The following MACROD2 variants were observed in gnomAD, a reference collection of about 807,000 sequenced individuals.
The protein encoded by MACROD2 is mono-ADP ribosylhydrolase 2.
Under a neutral mutation model 70.4 loss-of-function variants are expected in MACROD2, and 36 were observed. The ratio of observed to expected loss-of-function variants is 0.51; its 90% CI spans 0.39 to 0.68. The LOEUF is 0.68. Among genes scored for constraint, MACROD2 ranks in the 30% least tolerant of loss-of-function variants. The probability of loss-of-function intolerance (pLI) is 0.00; values close to 1 mark genes in which losing one functional copy is unlikely to be tolerated. For synonymous variants in MACROD2, 172 were observed against 178.8 expected, an observed-to-expected ratio of 0.96 and a Z score of 0.30; for missense variants, 496 against 538.4, an observed-to-expected ratio of 0.92 and a Z score of 0.78.
chr20:14,314,660 T>G (rs2082597521), intron 3 of MACROD2, among the ~76,000 whole-genome samples: 1 of 152,136 alleles, frequency 6.6e-6, no homozygotes, highest in Non-Finnish European at 1.5e-5. Context: ...CTTGGGAGGC[T>G]GAGGCAGGAG....
At chr20:14,726,360 T>C (rs1054519489) in intron 5 of MACROD2, among the ~76,000 whole-genome samples, 3 of 152,200 alleles carry the variant, frequency 2.0e-5, no homozygotes, top group Non-Finnish European at 2.9e-5. Context: ...AAGGTTACGC[T>C]TGATGCTTTT....
chr20:14,965,920 A>G lies in MACROD2; in HGVS notation c.419-264020A>G, dbSNP rs377662377. Among the ~76,000 whole-genome samples, 10 of 152,254 alleles carry G rather than the reference A, an allele frequency of 6.6e-5. No individual in the cohort carries two copies. In the East Asian group the frequency reaches 1.2e-3, roughly 18 times the overall value. ...ATTTAAACAAGTATAAATAACCAAA[A>G]TCTACAGAGCAAATTATGGTGCAGT... is the stretch of plus-strand genomic sequence containing the variant. On this transcript the variant is annotated intron_variant, in intron 5 of 17. Coordinates refer to ENST00000684519, the MANE Select transcript of MACROD2 (RefSeq NM_001351661.2).
At chr20:14,955,232 A>C (rs1055573994) in intron 5 of MACROD2, among the ~76,000 whole-genome samples, 3 of 137,352 alleles carry the variant, frequency 2.2e-5, no homozygotes, top group African/African-American at 8.0e-5. Context: ...ATAATATATA[A>C]TTTTTATTAT....
intron 2 of MACROD2, among the ~76,000 whole-genome samples, chr20:14,042,919 T>G (rs573676755): frequency 6.6e-5 from 6 of 90,714 alleles, no homozygotes; most frequent in South Asian, 7.9e-4. Flanking sequence ...AGGTGGTGGG[T>G]TTTTTTTTTT....
intron 8 of MACROD2, among the ~76,000 whole-genome samples, chr20:15,547,543 C>T (rs2146580121): frequency 6.6e-6 from 1 of 152,278 alleles, no homozygotes; most frequent in South Asian, 2.1e-4. Flanking sequence ...TGGAATAATA[C>T]CGCTCATATT....
At chr20:15,297,869 TG>T (rs1284891574) in intron 6 of MACROD2, among the ~76,000 whole-genome samples, 2 of 152,208 alleles carry the variant, frequency 1.3e-5, no homozygotes, top group Non-Finnish European at 2.9e-5. Flanking sequence ...CAGTGTGAAA[TG>T]TTTTTCAAAC....
chr20:14,527,763 T>C (rs968833949), intron 4 of MACROD2, among the ~76,000 whole-genome samples: 1 of 152,218 alleles, frequency 6.6e-6, no homozygotes, highest in Non-Finnish European at 1.5e-5. Flanking sequence ...CATGCCAGAA[T>C]GTCTAATGTT....
At chr20:15,756,633 A>G (rs1181920695) in intron 8 of MACROD2, among the ~76,000 whole-genome samples, 1 of 152,216 alleles carries the variant, frequency 6.6e-6, no homozygotes. Context: ...AGCTGGTAAC[A>G]TGCTCTGAAT....
intron 5 of MACROD2, among the ~76,000 whole-genome samples, chr20:15,131,105 G>A (rs533264375): frequency 5.9e-5 from 9 of 152,046 alleles, no homozygotes; most frequent in African/African-American, 2.2e-4. Flanking sequence ...AGGTAAGAAG[G>A]GAATCAAAAA....
At chr20:15,415,017 A>G (rs2046127474) in intron 6 of MACROD2, among the ~76,000 whole-genome samples, 1 of 152,172 alleles carries the variant, frequency 6.6e-6, no homozygotes, top group African/African-American at 2.4e-5. Context: ...AGTTTAGATG[A>G]TGCTTGGGTG....
intron 5 of MACROD2, among the ~76,000 whole-genome samples, chr20:15,011,321 G>T (rs1414052683): frequency 1.3e-5 from 2 of 152,120 alleles, no homozygotes; most frequent in African/African-American, 4.8e-5. Flanking sequence ...AGGAATCGGG[G>T]TGGGGTAAGA....
chr20:14,182,755 C>G (rs2081314803), intron 3 of MACROD2, among the ~76,000 whole-genome samples: 1 of 151,732 alleles, frequency 6.6e-6, no homozygotes. Context: ...CTTTTTTTCT[C>G]CCGGGTCACT....
At chr20:14,830,062 G>T (rs897934999) in intron 5 of MACROD2, among the ~76,000 whole-genome samples, 1 of 152,084 alleles carries the variant, frequency 6.6e-6, no homozygotes, top group African/African-American at 2.4e-5. Context: ...AAGAAAAAAT[G>T]ATTCATAACC....
chr20:14,750,448 C>G (rs1193290560), intron 5 of MACROD2, among the ~76,000 whole-genome samples: 1 of 151,958 alleles, frequency 6.6e-6, no homozygotes, highest in African/African-American at 2.4e-5. Flanking sequence ...CCAATTATTA[C>G]TATTTATTGT....
intron 5 of MACROD2, among the ~76,000 whole-genome samples, chr20:14,757,302 AATT>A (rs1299635296): frequency 3.3e-5 from 5 of 152,150 alleles, no homozygotes; most frequent in African/African-American, 1.2e-4. Context: ...TTAAAATCTT[AATT>A]ATTATATTTC....
chr20:14,588,997 A>G (rs1981578677), intron 4 of MACROD2, among the ~76,000 whole-genome samples: 1 of 152,156 alleles, frequency 6.6e-6, no homozygotes, highest in Non-Finnish European at 1.5e-5. Flanking sequence ...TTGTTTTTAT[A>G]TTAATTTTAG....
intron 8 of MACROD2, among the ~76,000 whole-genome samples, chr20:15,789,349 G>A (rs1053678478): frequency 6.6e-6 from 1 of 152,032 alleles, no homozygotes; most frequent in African/African-American, 2.4e-5. Context: ...ATTTAATTAC[G>A]GCGGCACATG....
At chr20:15,561,133 G>A (rs926906815) in intron 8 of MACROD2, among the ~76,000 whole-genome samples, 2 of 151,366 alleles carry the variant, frequency 1.3e-5, no homozygotes, top group African/African-American at 2.4e-5. Flanking sequence ...GTAAGAGAAC[G>A]CTACTCAATG....
intron 6 of MACROD2, among the ~76,000 whole-genome samples, chr20:15,306,096 T>C (rs1017348539): frequency 6.6e-6 from 1 of 152,150 alleles, no homozygotes; most frequent in African/African-American, 2.4e-5. Flanking sequence ...TTGTTTCCAA[T>C]CCTCTTTCCA....
Sources: allele counts gnomAD v4.1 joint callset (sites outside exome capture counted in the v4.1 genomes callset), GRCh38; gene constraint gnomAD v4.1.1; transcripts MANE v1.5; gene names NCBI Gene and HGNC (gene_info 2026-07-23, HGNC 2026-07-21).